Variants in KCNIP4 observed in about 807,000 individuals in gnomAD.
The protein encoded by KCNIP4 is potassium voltage-gated channel interacting protein 4.
In KCNIP4, 12 loss-of-function variants were observed where a neutral mutation model predicts 34.0. The ratio of observed to expected loss-of-function variants is 0.35; its 90% CI spans 0.23 to 0.57. KCNIP4 has a LOEUF of 0.57. Among genes scored for constraint, KCNIP4 ranks in the 20% least tolerant of loss-of-function variants. KCNIP4 has a pLI of 0.83. For synonymous variants in KCNIP4, 124 were observed against 102.2 expected, an observed-to-expected ratio of 1.21 and a Z score of -1.29; for missense variants, 238 against 311.7, an observed-to-expected ratio of 0.76 and a Z score of 1.78.
chr4:21,858,270 A>G (rs1235527858), intron 1 of KCNIP4, among the ~76,000 whole-genome samples: 1 of 152,238 alleles, frequency 6.6e-6, no homozygotes, highest in East Asian at 1.9e-4. Flanking sequence ...TGACACCCCA[A>G]GGATCTCATA....
At chr4:20,819,883 C>T (rs1716889795) in intron 3 of KCNIP4, among the ~76,000 whole-genome samples, 1 of 152,178 alleles carries the variant, frequency 6.6e-6, no homozygotes, top group African/African-American at 2.4e-5. Flanking sequence ...ATGTCAGAGC[C>T]TTGATCTTGG....
Position 21,304,035 on chromosome 4 carries a change from G to A in KCNIP4, c.62-421326C>T, listed in dbSNP as rs1712073677. 13 of 327,298 alleles carry A rather than the reference G, an allele frequency of 4.0e-5. No individual in the cohort carries two copies. The South Asian group carries it at 1.0e-3, about 26-fold the overall frequency. The allele number at this position is 327,298 out of a possible 1,614,324, so 20.3% of individuals were successfully genotyped here. ...AAGGGGAGGAGGAGAGCGTATGAGA[G>A]AGAGAGAGAGAGAGAGAGAGAGAGA... On this transcript the variant is annotated intron_variant, in intron 1 of 8. Coordinates refer to ENST00000382152, the MANE Select transcript of KCNIP4 (RefSeq NM_025221.6).
Position 21,504,465 on chromosome 4 carries a change from C to CAAAAAAAA in KCNIP4, c.61+444098_61+444105dup, listed in dbSNP as rs376644707. 3.7e-4 allele frequency among the ~76,000 whole-genome samples: 21 copies of CAAAAAAAA among 56,322 alleles called. 3 individuals carry two copies. Among genetic ancestry groups the CAAAAAAAA allele is most frequent in the African/African-American group, 1.7e-3 (20 of 11,636 alleles). The allele number at this position is 56,322 out of a possible 152,430, so 36.9% of individuals were successfully genotyped here. A position where few individuals can be genotyped will look rare whatever the true frequency, so the allele number is the denominator to read the frequency against. On this transcript the variant is annotated intron_variant, in intron 1 of 8. Transcript: ENST00000382152. ...CCTGGGCAATAGAATGACTCCAACT[C>CAAAAAAAA]AAAAAAAAAAAAAGAAAGAAAGAAA...
intron 1 of KCNIP4, among the ~76,000 whole-genome samples, chr4:21,811,420 G>A (rs1401124493): frequency 6.6e-6 from 1 of 152,178 alleles, no homozygotes; most frequent in African/African-American, 2.4e-5. Flanking sequence ...AAGAAAGCTT[G>A]TAAGCTAACA....
chr4:20,965,847 A>G (rs74891631), intron 1 of KCNIP4, among the ~76,000 whole-genome samples: 2,945 of 152,312 alleles, frequency 0.019, 94 homozygotes, highest in African/African-American at 0.067. Flanking sequence ...AGAGAGATAC[A>G]ATAATACTGA....
intron 1 of KCNIP4, among the ~76,000 whole-genome samples, chr4:21,002,012 T>C (rs931544879): frequency 7.9e-5 from 12 of 152,206 alleles, no homozygotes; most frequent in Non-Finnish European, 1.8e-4. Flanking sequence ...CAACATTGTT[T>C]CTAGGAAATG....
Position 21,239,441 on chromosome 4 carries a change from C to A in KCNIP4, c.62-356732G>T, listed in dbSNP as rs1378261724. On this transcript the variant is annotated intron_variant, in intron 1 of 8. Coordinates refer to ENST00000382152, the MANE Select transcript of KCNIP4 (RefSeq NM_025221.6). Reference sequence around the variant, plus strand: ...ACTACCATCAGAGTGAACAGGCAACCTACAGAATGGGAGAAAATTTTTGCA... The same window carrying A: ...ACTACCATCAGAGTGAACAGGCAACATACAGAATGGGAGAAAATTTTTGCA... Among the ~76,000 whole-genome samples the A allele has an allele frequency of 7.9e-5, 12 of 151,548 alleles. No individual in the cohort carries two copies. The East Asian group carries it at 1.7e-3, about 22-fold the overall frequency.
intron 1 of KCNIP4, among the ~76,000 whole-genome samples, chr4:21,840,058 T>A (rs1723584230): frequency 6.6e-6 from 1 of 152,028 alleles, no homozygotes; most frequent in Non-Finnish European, 1.5e-5. Context: ...TGTTTGACAA[T>A]TCCTCACTAC....
intron 1 of KCNIP4, among the ~76,000 whole-genome samples, chr4:21,721,544 G>A (rs906226995): frequency 3.3e-5 from 5 of 152,086 alleles, no homozygotes; most frequent in Admixed American, 6.6e-5. Context: ...ATCAGTTAAT[G>A]GAAAGCATAA....
At chr4:20,910,125 G>A (rs892672657) in intron 1 of KCNIP4, among the ~76,000 whole-genome samples, 17 of 151,946 alleles carry the variant, frequency 1.1e-4, no homozygotes, top group Non-Finnish European at 2.1e-4. Flanking sequence ...TATCTTTTTC[G>A]AATGTTTTGC....
intron 1 of KCNIP4, among the ~76,000 whole-genome samples, chr4:21,405,357 T>A (rs913494844): frequency 2.6e-5 from 4 of 152,188 alleles, no homozygotes; most frequent in Non-Finnish European, 5.9e-5. Context: ...TGCATCCTTA[T>A]TGTGTATCAT....
At chr4:21,776,323 C>G (rs1719176100) in intron 1 of KCNIP4, among the ~76,000 whole-genome samples, 1 of 152,074 alleles carries the variant, frequency 6.6e-6, no homozygotes, top group Admixed American at 6.5e-5. Flanking sequence ...AATTCACATA[C>G]TTACTATGGT....
chr4:21,229,094 A>T (rs1387659201), intron 1 of KCNIP4, among the ~76,000 whole-genome samples: 1 of 152,146 alleles, frequency 6.6e-6, no homozygotes, highest in Non-Finnish European at 1.5e-5. Flanking sequence ...TGGATCCTGG[A>T]CCTACATACC....
chr4:20,887,243 T>C lies in KCNIP4; in HGVS notation c.62-4534A>G, dbSNP rs188358714. On this transcript the variant is annotated intron_variant, in intron 1 of 8. Coordinates refer to ENST00000382152, the MANE Select transcript of KCNIP4 (RefSeq NM_025221.6). Reference sequence around the variant, plus strand: ...AAAGATTTAAAAATAAAGAGAGCTTTACTCATCTGTGCATCATATCAAAAA... The same window carrying C: ...AAAGATTTAAAAATAAAGAGAGCTTCACTCATCTGTGCATCATATCAAAAA... Among the ~76,000 whole-genome samples the C allele has an allele frequency of 4.4e-3, 669 of 151,990 alleles. 4 individuals are homozygous for C. Among genetic ancestry groups the C allele is most frequent in the African/African-American group, 0.015 (643 of 41,538 alleles).
chr4:21,388,902 T>C (rs1430635550), intron 1 of KCNIP4, among the ~76,000 whole-genome samples: 1 of 152,170 alleles, frequency 6.6e-6, no homozygotes, highest in African/African-American at 2.4e-5. Flanking sequence ...GATAGACATT[T>C]GGGTTGTTTT....
At chr4:20,798,128 C>T (rs946929806) in intron 3 of KCNIP4, among the ~76,000 whole-genome samples, 1 of 152,142 alleles carries the variant, frequency 6.6e-6, no homozygotes, top group African/African-American at 2.4e-5. Flanking sequence ...TATCATGTCC[C>T]TTCTCTAATC....
intron 2 of KCNIP4, among the ~76,000 whole-genome samples, chr4:20,878,954 G>C (rs201907112): frequency 1.3e-5 from 2 of 152,150 alleles, no homozygotes; most frequent in African/African-American, 2.4e-5. Context: ...TGGTGGGTGG[G>C]GGATCATTAA....
intron 1 of KCNIP4, among the ~76,000 whole-genome samples, chr4:21,918,404 T>C (rs1728754538): frequency 6.6e-6 from 1 of 152,090 alleles, no homozygotes; most frequent in Admixed American, 6.6e-5. Flanking sequence ...GTTCTTTCCA[T>C]GCACATCGTA....
At chr4:21,672,555 T>C (rs781692684) in intron 1 of KCNIP4, among the ~76,000 whole-genome samples, 40 of 152,210 alleles carry the variant, frequency 2.6e-4, no homozygotes, top group African/African-American at 8.9e-4. Context: ...TGTTTTTACA[T>C]ATTTTTCATT....
Sources: gnomAD v4.1 joint callset for allele counts (sites outside exome capture counted in the v4.1 genomes callset) on GRCh38, gnomAD v4.1.1 for gene constraint, MANE v1.5 for transcripts, NCBI Gene and HGNC (gene_info 2026-07-23, HGNC 2026-07-21) for gene names.